The following EPS15L1 variants were observed in gnomAD, a reference collection of about 807,000 sequenced individuals.
EPS15L1 encodes epidermal growth factor receptor substrate 15-like 1.
A neutral mutation model predicts 117.1 loss-of-function variants in EPS15L1; 43 were observed. The ratio of observed to expected loss-of-function variants is 0.37; its 90% CI spans 0.29 to 0.47. The LOEUF (loss-of-function observed/expected upper bound fraction) is 0.47, where lower values mean the gene tolerates loss of function less well. Ranked by LOEUF, EPS15L1 falls within the 20% of genes least tolerant of loss-of-function variation. The probability of loss-of-function intolerance (pLI) is 0.99; values close to 1 mark genes in which losing one functional copy is unlikely to be tolerated. For synonymous variants in EPS15L1, 459 were observed against 470.5 expected (o/e 0.98, Z 0.32); for missense variants, 981 against 1,164.0 (o/e 0.84, Z 2.29).
chr19:16,391,518 T>C (rs1274233401), intron 19 of EPS15L1, among the ~76,000 whole-genome samples: 1 of 151,766 alleles, frequency 6.6e-6, no homozygotes, highest in Non-Finnish European at 1.5e-5. Context: ...TGAGTGCCCG[T>C]CTCTGAGCAG....
chr19:16,434,704 G>A, intron 6 of EPS15L1: 1 of 468,130 alleles, frequency 2.1e-6, no homozygotes, highest in Non-Finnish European at 3.8e-6. Flanking sequence ...TCGGATCTGG[G>A]AGCCAAGGTC....
chr19:16,425,359 G>C lies in EPS15L1; in HGVS notation c.559-43C>G, dbSNP rs1347941098. 10 of 1,404,996 alleles carry C rather than the reference G, an allele frequency of 7.1e-6. No homozygotes were observed. In the East Asian group the frequency reaches 2.2e-4, roughly 31 times the overall value. The allele number at this position is 1,404,996 out of a possible 1,614,324, so 87.0% of individuals were successfully genotyped here. ...AATGGCACTGAAGGGGCAAGGCTGG[G>C]GCCGGGACCATCAGGAGAAGGCAGA... On this transcript the variant is annotated intron_variant, in intron 8 of 23. Transcript: ENST00000455140.
chr19:16,395,386 G>A lies in EPS15L1; in HGVS notation c.1873C>T (p.Pro625Ser), dbSNP rs761222396. The part of the protein sequence containing the change: ...LHPDPFQTED[P>S]FKSDPFKGAD... ...CCTTTAAATGGGTCAGATTTGAAGG[G>A]GTCTTCTGTCTGGAAAGGATCCGGA... Residue 625 changes from proline (P) to serine (S), a missense_variant, in exon 17 of 24, where the codon CCC (proline) becomes TCC (serine). This residue lies in a region of EPS15L1 where 819 missense variants were observed against 949.0 expected (regional missense o/e 0.86). Coordinates refer to ENST00000455140, the MANE Select transcript of EPS15L1 (RefSeq NM_001258374.3). 1.9e-6 allele frequency: 3 copies of A among 1,613,674 alleles called. No homozygotes were observed. The highest frequency in any genetic ancestry group is 2.7e-5 in the African/African-American group (2 of 74,872).
chr19:16,413,891 C>G, intron 12 of EPS15L1, 46 bp from the exon 13 acceptor site: 1 of 1,437,332 alleles, frequency 7.0e-7, no homozygotes, highest in South Asian at 1.1e-5. Context: ...GAATAATAAG[C>G]CTCCACCCCT....
chr19:16,356,157 C>A (rs988085740), intron 23 of EPS15L1, among the ~76,000 whole-genome samples: 4 of 152,336 alleles, frequency 2.6e-5, no homozygotes, highest in Admixed American at 2.6e-4. Flanking sequence ...GCCCTTGACG[C>A]TGGTGGCCAA....
At chr19:16,377,301 A>C (rs772432771) in intron 21 of EPS15L1, 47 bp from the exon 22 acceptor site, 23 of 1,605,374 alleles carry the variant, frequency 1.4e-5, no homozygotes, top group Non-Finnish European at 1.9e-5. Context: ...TGTTAAAACA[A>C]AGGTGACGGA....
Position 16,404,329 on chromosome 19 carries a change from A to T in EPS15L1, c.1428+259T>A, listed in dbSNP as rs2092632722. On this transcript the variant is annotated intron_variant, in intron 14 of 23. Transcript: ENST00000455140. This position sits in a 1 kb window ranked among gnomAD's most constrained non-coding sequence, Gnocchi z 4.2. ...ACTCCCTGTGTTGTGGGGCACAGCC[A>T]GGTGGGGTGTGTTCAGGGCACAAGT... Among the ~76,000 whole-genome samples, 1 of 152,194 alleles carries T rather than the reference A, an allele frequency of 6.6e-6. No individual in the cohort carries two copies. The highest frequency in any genetic ancestry group is 1.5e-5 in the Non-Finnish European group (1 of 68,030).
chr19:16,372,987 TTC>T lies in EPS15L1; in HGVS notation c.2380+4133_2380+4134del, dbSNP rs2092245763. Among the ~76,000 whole-genome samples, 3 of 152,168 alleles carry T rather than the reference TTC, an allele frequency of 2.0e-5. No individual in the cohort carries two copies. The South Asian group carries it at 6.2e-4, about 31-fold the overall frequency. ...TTCCTGGCACAGAGGCCTAGCAGGG[TTC>T]TAGAAACCTCTGGGTGCCCTGGGAT... On this transcript the variant is annotated intron_variant, in intron 22 of 23. Coordinates refer to ENST00000455140, the MANE Select transcript of EPS15L1 (RefSeq NM_001258374.3).
intron 18 of EPS15L1, among the ~76,000 whole-genome samples, 196 bp from the exon 19 acceptor site, chr19:16,392,636 G>A (rs566466433): frequency 6.6e-6 from 1 of 152,320 alleles, no homozygotes; most frequent in Non-Finnish European, 1.5e-5. Context: ...CCTCAGGAAT[G>A]ACAGAAGTGT....
At chr19:16,463,276 A>C (rs1459805430) in intron 1 of EPS15L1, among the ~76,000 whole-genome samples, 2 of 152,050 alleles carry the variant, frequency 1.3e-5, no homozygotes, top group African/African-American at 4.8e-5. Context: ...TGGCTCCCTG[A>C]AGGTGGCCTC....
At chr19:16,458,844 G>C (rs2093221253) in intron 1 of EPS15L1, among the ~76,000 whole-genome samples, 1 of 152,172 alleles carries the variant, frequency 6.6e-6, no homozygotes, top group Admixed American at 6.5e-5. Context: ...TTCACTCCTT[G>C]TCTTGGCACA....
rs1312962844 is a variant in EPS15L1 at position 16,382,101 on chromosome 19, T to G, written c.2247+3028A>C. 3.9e-5 allele frequency among the ~76,000 whole-genome samples: 6 copies of G among 152,324 alleles called. No homozygotes were observed. In the South Asian group the frequency reaches 8.3e-4, roughly 21 times the overall value. On this transcript the variant is annotated intron_variant, in intron 21 of 23. Coordinates refer to ENST00000455140, the MANE Select transcript of EPS15L1 (RefSeq NM_001258374.3). ...ATCAGAGCCGCCTAACCCTCCAGGC[T>G]GACCGGGGACACCTCGGGCCAAGCC...
At chr19:16,380,331 C>T (rs1371606630) in intron 21 of EPS15L1, among the ~76,000 whole-genome samples, 2 of 152,024 alleles carry the variant, frequency 1.3e-5, no homozygotes, top group Admixed American at 6.6e-5. Flanking sequence ...ATCACACAGA[C>T]GTGGTCATTT....
At chr19:16,437,253 G>A (rs2092987407) in intron 5 of EPS15L1, among the ~76,000 whole-genome samples, 2 of 152,170 alleles carry the variant, frequency 1.3e-5, no homozygotes, top group African/African-American at 4.8e-5. Flanking sequence ...TCAAAAGGGT[G>A]GAAATAACCC....
chr19:16,439,924 A>ATT (rs201668616), intron 4 of EPS15L1, among the ~76,000 whole-genome samples: 14 of 133,172 alleles, frequency 1.1e-4, no homozygotes, highest in Non-Finnish European at 1.3e-4. Flanking sequence ...CAGATTTCAG[A>ATT]TTTTTTTTTT....
Position 16,418,028 on chromosome 19 carries a change from T to G in EPS15L1, c.1027A>C (p.Lys343Gln). 6.2e-7 allele frequency: 1 copy of G among 1,614,204 alleles called. No individual in the cohort carries two copies. The highest frequency in any genetic ancestry group is 8.5e-7 in the Non-Finnish European group (1 of 1,180,032). The change falls in exon 11 of 24, where the codon AAG becomes CAG. Residue 343 changes from lysine to glutamine, a missense_variant. Lys to Gln is a moderately conservative substitution (Grantham distance 53). Transcript: ENST00000455140. ...FALAMYFIQQKVSKGIDPPQV... is the reference protein window; with the variant it reads ...FALAMYFIQQQVSKGIDPPQV... ...GGAGGGTCGATGCCTTTACTGACCT[T>G]CTGCTGAATGAAATACATAGCTAAC...
chr19:16,434,402 A>T lies in EPS15L1; in HGVS notation c.461T>A (p.Leu154His). ...ATCAAGAGGCAGCTTTGAGTTCATG[A>T]GGACTGGCTTGACTTTGTCTCCAGA... Reference protein sequence around the residue: ...LLSGDKVKPVLMNSKLPLDVL... With the variant: ...LLSGDKVKPVHMNSKLPLDVL... The change falls in exon 7 of 24, where the codon CTC (leucine) becomes CAC (histidine). Residue 154 changes from leucine (L) to histidine (H), a missense_variant. Transcript: ENST00000455140. 6.2e-7 allele frequency: 1 copy of T among 1,614,202 alleles called. No individual in the cohort carries two copies. The highest frequency in any genetic ancestry group is 8.5e-7 in the Non-Finnish European group (1 of 1,180,022).
chr19:16,357,140 AACACTC>A (rs1317844812), intron 23 of EPS15L1: 1 of 152,490 alleles, frequency 6.6e-6, no homozygotes, highest in Non-Finnish European at 1.5e-5. Context: ...AGCACACAGG[AACACTC>A]ACGGCCTCTC....
At chr19:16,386,127 T>C (rs756171413) in intron 20 of EPS15L1, 44 bp downstream of exon 20, 1 of 1,477,602 alleles carries the variant, frequency 6.8e-7, no homozygotes, top group Non-Finnish European at 9.4e-7. Flanking sequence ...GCTCTGCTAC[T>C]GCCCAAGGAA....
Sources: gnomAD v4.1 joint callset for allele counts (sites outside exome capture counted in the v4.1 genomes callset) on GRCh38, gnomAD v4.1.1 for gene constraint, gnomAD v4.1.1 regional missense constraint, Gnocchi (gnomAD v3.1) non-coding constraint, MANE v1.5 for transcripts, NCBI Gene and HGNC (gene_info 2026-07-23, HGNC 2026-07-21) for gene names.